Variants in CDIN1 observed in about 807,000 individuals in gnomAD.
CDIN1 encodes the protein CDAN1-interacting nuclease 1.
In CDIN1, 33 loss-of-function variants were observed where a neutral mutation model predicts 45.3. The observed-to-expected ratio is 0.73, with a 90% CI of 0.55 to 0.97. The LOEUF (loss-of-function observed/expected upper bound fraction) is 0.97. Ranked by LOEUF, CDIN1 falls within the 50% of genes least tolerant of loss-of-function variation. The pLI is 0.00. For synonymous variants in CDIN1, 118 were observed against 124.4 expected, an observed-to-expected ratio of 0.95 and a Z score of 0.34; for missense variants, 303 against 339.4, an observed-to-expected ratio of 0.89 and a Z score of 0.84.
chr15:36,594,873 T>A, intron 1 of CDIN1: 1 of 985,550 alleles, frequency 1.0e-6, no homozygotes, highest in Non-Finnish European at 1.2e-6. Context: ...TTTGGCTCTT[T>A]AATACCACCC....
chr15:36,768,768 T>A (rs886339900), intron 10 of CDIN1, among the ~76,000 whole-genome samples: 1 of 152,030 alleles, frequency 6.6e-6, no homozygotes, highest in African/African-American at 2.4e-5. Flanking sequence ...TCAAGTGGAA[T>A]CCAGGCTTTG....
chr15:36,743,822 G>A (rs888560559), intron 10 of CDIN1, among the ~76,000 whole-genome samples: 2 of 151,714 alleles, frequency 1.3e-5, no homozygotes, highest in African/African-American at 4.8e-5. Flanking sequence ...CCTGGAGGTC[G>A]AGCCTGCAGT....
In CDIN1 at chr15:36,688,021, A is replaced by G. The variant is rs960893668; in HGVS notation, c.347-3664A>G. Among the ~76,000 whole-genome samples the G allele has an allele frequency of 2.0e-5, 3 of 152,178 alleles. No individual in the cohort carries two copies. In the South Asian group the frequency reaches 6.2e-4, roughly 32 times the overall value. ...GGCATGTAGCTAAAGCAAAATTTAG[A>G]GGAAAAATTATAGCCTTGAAAAGTA... On this transcript the variant is annotated intron_variant, in intron 5 of 10. Coordinates refer to ENST00000566621, the MANE Select transcript of CDIN1 (RefSeq NM_001321759.2).
At chr15:36,601,219 G>C (rs2038084801) in intron 1 of CDIN1, among the ~76,000 whole-genome samples, 2 of 152,314 alleles carry the variant, frequency 1.3e-5, no homozygotes, top group South Asian at 4.1e-4. Flanking sequence ...TAGGTACGAT[G>C]TGTAACTGTC....
In CDIN1 at chr15:36,765,347, T is replaced by C. The variant is rs2141009864; in HGVS notation, c.717-42977T>C. Among the ~76,000 whole-genome samples, 5 of 152,248 alleles carry C rather than the reference T, an allele frequency of 3.3e-5. No homozygotes were observed. In the South Asian group the frequency reaches 1.0e-3, roughly 32 times the overall value. On this transcript the variant is annotated intron_variant, in intron 10 of 10. Transcript: ENST00000566621. ...CTGGGATTACAGGCGCGAGCCACCA[T>C]GCCCAGCCTGAGCTTAATTTTCATA... is the stretch of plus-strand genomic sequence containing the variant.
At chr15:36,693,163 G>A (rs534757173) in intron 7 of CDIN1, among the ~76,000 whole-genome samples, 1 of 152,240 alleles carries the variant, frequency 6.6e-6, no homozygotes, top group African/African-American at 2.4e-5. Flanking sequence ...CAAAGGCTTA[G>A]AGTCGTAACA....
chr15:36,657,772 C>T, intron 4 of CDIN1, 61 bp from the exon 5 acceptor site: 1 of 1,300,430 alleles, frequency 7.7e-7, no homozygotes, highest in Non-Finnish European at 1.1e-6. Flanking sequence ...TGACAAAATA[C>T]TGGAGTATCC....
At chr15:36,737,827 G>T (rs2044087978) in intron 10 of CDIN1, among the ~76,000 whole-genome samples, 1 of 152,120 alleles carries the variant, frequency 6.6e-6, no homozygotes, top group African/African-American at 2.4e-5. Context: ...GGTACATAGG[G>T]TGTCCTAGAT....
At position 36,657,514 on chromosome 15, in the gene CDIN1, C is replaced by T. The variant is rs545967275; in HGVS notation, c.274-319C>T. Among the ~76,000 whole-genome samples, 11 of 152,136 alleles carry T rather than the reference C, an allele frequency of 7.2e-5. No individual in the cohort carries two copies. In the South Asian group the frequency reaches 2.3e-3, roughly 32 times the overall value. On this transcript the variant is annotated intron_variant, in intron 4 of 10. Coordinates refer to ENST00000566621, the MANE Select transcript of CDIN1 (RefSeq NM_001321759.2). Reference sequence around the variant, plus strand: ...GGCTTGAATAAAAAATTATATTGGCCTACCAACAGAAAAAATTGAGGAGAG... The same window carrying T: ...GGCTTGAATAAAAAATTATATTGGCTTACCAACAGAAAAAATTGAGGAGAG...
chr15:36,686,660 A>T (rs911266967), intron 5 of CDIN1, among the ~76,000 whole-genome samples: 2 of 151,350 alleles, frequency 1.3e-5, no homozygotes, highest in African/African-American at 4.9e-5. Flanking sequence ...CAGGTGAATC[A>T]CTTGAGCCCA....
chr15:36,641,106 C>A (rs1438120869), intron 1 of CDIN1: 1 of 152,122 alleles, frequency 6.6e-6, no homozygotes, highest in Non-Finnish European at 1.5e-5. Flanking sequence ...CTCAAGTGTT[C>A]CATCTTGTAC....
At chr15:36,592,453 C>T (rs566464353) in intron 1 of CDIN1, among the ~76,000 whole-genome samples, 1 of 152,292 alleles carries the variant, frequency 6.6e-6, no homozygotes, top group East Asian at 1.9e-4. Context: ...CAGTCTGAGA[C>T]TTTTGTACCT....
Sources: gnomAD v4.1 joint callset for allele counts (sites outside exome capture counted in the v4.1 genomes callset) on GRCh38, gnomAD v4.1.1 for gene constraint, MANE v1.5 for transcripts, NCBI Gene and HGNC (gene_info 2026-07-23, HGNC 2026-07-21) for gene names.